Variants in MIPEP observed in about 807,000 individuals in gnomAD.
The protein encoded by MIPEP is mitochondrial intermediate peptidase.
Under a neutral mutation model 90.3 loss-of-function variants are expected in MIPEP, and 79 were observed. The ratio of observed to expected loss-of-function variants is 0.87; its 90% CI spans 0.73 to 1.05. The LOEUF (loss-of-function observed/expected upper bound fraction) is 1.05, where lower values mean the gene tolerates loss of function less well. Ranked by LOEUF, MIPEP falls within the 50% of genes least tolerant of loss-of-function variation. MIPEP has a pLI of 0.00. For synonymous variants in MIPEP, 334 were observed against 315.8 expected (o/e 1.06, Z -0.61); for missense variants, 940 against 905.6 (o/e 1.04, Z -0.49).
chr13:23,849,741 A>C (rs1256461212), intron 10 of MIPEP, among the ~76,000 whole-genome samples: 1 of 152,258 alleles, frequency 6.6e-6, no homozygotes, highest in Non-Finnish European at 1.5e-5. Flanking sequence ...CAGAAATATC[A>C]GTCAAGAAGA....
intron 16 of MIPEP, among the ~76,000 whole-genome samples, chr13:23,802,938 C>T (rs1438328575): frequency 1.3e-5 from 2 of 152,184 alleles, no homozygotes; most frequent in Non-Finnish European, 1.5e-5. Flanking sequence ...CTATGACATT[C>T]AGCAGTGTAG....
intron 5 of MIPEP, among the ~76,000 whole-genome samples, chr13:23,872,887 T>C (rs1008225434): frequency 2.0e-5 from 3 of 152,222 alleles, no homozygotes; most frequent in Non-Finnish European, 4.4e-5. Context: ...TCAAACTTGA[T>C]GATAGCTAGC....
chr13:23,886,559 T>C, intron 1 of MIPEP, 53 bp from the exon 2 acceptor site: 1 of 1,398,760 alleles, frequency 7.1e-7, no homozygotes, highest in Admixed American at 2.6e-5. Flanking sequence ...AATTGTGCTT[T>C]TTTTATATTT....
In MIPEP at chr13:23,869,405, C is replaced by A. The variant is rs1870684527; in HGVS notation, c.830G>T (p.Gly277Val). ...CAATTCTTCTAAACATTTCAATTGA[C>A]CAGCATTGGGATAAAGAAAAATTTT... is the stretch of plus-strand genomic sequence containing the variant. Reference protein sequence around the residue: ...AYKIFLYPNAGQLKCLEELLS... With the variant: ...AYKIFLYPNAVQLKCLEELLS... Residue 277 changes from glycine (G) to valine (V), a missense_variant, in exon 7 of 19, where the codon GGT becomes GTT. By Grantham distance (109) the Gly-to-Val change is moderately radical. Coordinates refer to ENST00000382172, the MANE Select transcript of MIPEP (RefSeq NM_005932.4). 6.2e-7 allele frequency: 1 copy of A among 1,611,322 alleles called. No homozygotes were observed. Among genetic ancestry groups the A allele is most frequent in the African/African-American group, 1.3e-5 (1 of 74,792 alleles).
chr13:23,852,712 T>G (rs1490225762), intron 10 of MIPEP, among the ~76,000 whole-genome samples: 2 of 152,194 alleles, frequency 1.3e-5, no homozygotes. Context: ...CTATCACTAT[T>G]TTGGTGTACT....
chr13:23,850,722 C>T (rs1437535943), intron 10 of MIPEP, among the ~76,000 whole-genome samples: 2 of 152,232 alleles, frequency 1.3e-5, no homozygotes, highest in African/African-American at 4.8e-5. Context: ...CCAAATCTCA[C>T]TACAGCAAGG....
At chr13:23,789,493 G>T (rs1349301819) in intron 16 of MIPEP, among the ~76,000 whole-genome samples, 4 of 152,238 alleles carry the variant, frequency 2.6e-5, no homozygotes, top group Non-Finnish European at 4.4e-5. Context: ...ATTCTGCCCG[G>T]AACACCTTAG....
At chr13:23,854,177 T>G (rs1869944351) in intron 10 of MIPEP, among the ~76,000 whole-genome samples, 1 of 130,778 alleles carries the variant, frequency 7.6e-6, no homozygotes, top group African/African-American at 2.7e-5. Flanking sequence ...TACAAAAAAT[T>G]AGCCAGGCTA....
At chr13:23,817,532 G>GC (rs1306512672) in intron 14 of MIPEP, among the ~76,000 whole-genome samples, 197 of 152,052 alleles carry the variant, frequency 1.3e-3, no homozygotes, top group African/African-American at 4.6e-3. Context: ...CACTGCAGTA[G>GC]CCCCCCGATA....
At chr13:23,861,014 G>C (rs1870278864) in intron 9 of MIPEP, among the ~76,000 whole-genome samples, 1 of 152,152 alleles carries the variant, frequency 6.6e-6, no homozygotes, top group Non-Finnish European at 1.5e-5. Context: ...TTTTGATTCA[G>C]TGGGTCTGAG....
chr13:23,780,456 G>A (rs11619368), intron 16 of MIPEP, among the ~76,000 whole-genome samples: 28,213 of 151,974 alleles, frequency 0.19, 3,269 homozygotes, highest in Non-Finnish European at 0.27. Context: ...CCATCTGTAC[G>A]TCACCATCAT....
At chr13:23,880,035 G>C (rs1198309534) in intron 3 of MIPEP, among the ~76,000 whole-genome samples, 3 of 152,056 alleles carry the variant, frequency 2.0e-5, no homozygotes, top group Non-Finnish European at 2.9e-5. Context: ...AGTGAGCTGG[G>C]TCTAGATACA....
intron 18 of MIPEP, among the ~76,000 whole-genome samples, chr13:23,755,356 A>G (rs966788172): frequency 2.0e-5 from 3 of 152,240 alleles, no homozygotes; most frequent in Non-Finnish European, 2.9e-5. Context: ...CACTGCACAA[A>G]TATTTGCTGA....
intron 14 of MIPEP, among the ~76,000 whole-genome samples, chr13:23,834,064 G>A (rs903838953): frequency 4.6e-5 from 7 of 152,006 alleles, no homozygotes; most frequent in East Asian, 1.9e-4. Flanking sequence ...ACTTGTCTGC[G>A]GGTTGCTGGG....
chr13:23,818,330 G>A (rs1302467253), intron 14 of MIPEP, among the ~76,000 whole-genome samples: 4 of 152,158 alleles, frequency 2.6e-5, no homozygotes, highest in Non-Finnish European at 4.4e-5. Context: ...TGAGGCATGA[G>A]AATCGCTGGA....
chr13:23,774,956 G>A (rs370643638), intron 16 of MIPEP, among the ~76,000 whole-genome samples: 34 of 151,652 alleles, frequency 2.2e-4, no homozygotes, highest in African/African-American at 8.0e-4. Context: ...CACCATGCCC[G>A]GCTAATTTTT....
At chr13:23,751,709 C>G (rs1952443310) in intron 18 of MIPEP, among the ~76,000 whole-genome samples, 1 of 152,124 alleles carries the variant, frequency 6.6e-6, no homozygotes, top group South Asian at 2.1e-4. Context: ...TAACCAGAGG[C>G]AGAACCCAAA....
At chr13:23,736,620 T>C (rs1952266704) in intron 18 of MIPEP, among the ~76,000 whole-genome samples, 1 of 152,190 alleles carries the variant, frequency 6.6e-6, no homozygotes, top group Admixed American at 6.5e-5. Flanking sequence ...ACTGCGGCTT[T>C]CCAGTCCTCT....
chr13:23,854,851 C>T (rs1309150863), intron 10 of MIPEP, among the ~76,000 whole-genome samples: 1 of 151,230 alleles, frequency 6.6e-6, no homozygotes, highest in Non-Finnish European at 1.5e-5. Context: ...GAGATCACGT[C>T]ACTGCACTCC....
Sources: gnomAD v4.1 joint callset for allele counts (sites outside exome capture counted in the v4.1 genomes callset) on GRCh38, gnomAD v4.1.1 for gene constraint, MANE v1.5 for transcripts, NCBI Gene and HGNC (gene_info 2026-07-23, HGNC 2026-07-21) for gene names.